Variants in USP50 observed in about 807,000 individuals in gnomAD.
The protein encoded by USP50 is ubiquitin carboxyl-terminal hydrolase 50.
In USP50, 37 loss-of-function variants were observed where a neutral mutation model predicts 39.2. That is an observed-to-expected ratio of 0.94 (90% CI 0.73 to 1.24). The LOEUF (loss-of-function observed/expected upper bound fraction) is 1.24, where lower values mean the gene tolerates loss of function less well. Among genes scored for constraint, USP50 ranks in the 50% most tolerant of loss-of-function variants. The probability of loss-of-function intolerance (pLI) is 0.00; values close to 1 mark genes in which losing one functional copy is unlikely to be tolerated. For missense variants in USP50, 374 were observed against 398.2 expected (o/e 0.94, Z 0.52); for synonymous variants, 139 against 144.5 (o/e 0.96, Z 0.27).
downstream of USP50, chr15:50,497,291 G>A: frequency 6.5e-7 from 1 of 1,541,786 alleles, no homozygotes; most frequent in Non-Finnish European, 8.7e-7. Flanking sequence ...TTTAAGTTCT[G>A]TGTAATTTAT....
chr15:50,507,950 A>G (rs2052685124), intron 6 of USP50: 1 of 151,788 alleles, frequency 6.6e-6, no homozygotes, highest in African/African-American at 2.4e-5. Context: ...GCTGCCTGTA[A>G]TCCCAGCTAC....
chr15:50,535,250 T>A (rs1199726694), intron 5 of USP50, among the ~76,000 whole-genome samples: 1 of 152,074 alleles, frequency 6.6e-6, no homozygotes, highest in Non-Finnish European at 1.5e-5. Flanking sequence ...AATGGACAGA[T>A]CCAGCAGGCA....
intron 6 of USP50, chr15:50,513,873 G>A (rs1297565735): frequency 4.6e-5 from 7 of 152,118 alleles, no homozygotes; most frequent in African/African-American, 1.7e-4. Context: ...ATGTACTAAA[G>A]CCAGACATAT....
chr15:50,531,895 C>G, intron 5 of USP50: 1 of 258,664 alleles, frequency 3.9e-6, no homozygotes, highest in Non-Finnish European at 7.8e-6. Context: ...AAAGAATTAA[C>G]CGAAAGGAAA....
chr15:50,519,811 G>T (rs954627279), intron 6 of USP50, among the ~76,000 whole-genome samples: 8 of 152,092 alleles, frequency 5.3e-5, no homozygotes, highest in Non-Finnish European at 1.0e-4. Context: ...AGAGAAAAGG[G>T]AACTCTTATA....
intron 5 of USP50, among the ~76,000 whole-genome samples, chr15:50,537,861 A>G (rs2052991572): frequency 1.3e-5 from 1 of 75,662 alleles, no homozygotes; most frequent in South Asian, 6.0e-4. Context: ...ACTGAAGAAA[A>G]GAGGGGAGGG....
chr15:50,498,534 T>A (rs2052500472), downstream of USP50: 42 of 1,491,878 alleles, frequency 2.8e-5, 1 homozygote, highest in South Asian at 5.8e-4. Context: ...TAGATGTTAA[T>A]GAATGAGGAT....
intron 5 of USP50, among the ~76,000 whole-genome samples, chr15:50,531,183 A>G (rs1261666819): frequency 6.6e-6 from 1 of 152,214 alleles, no homozygotes; most frequent in African/African-American, 2.4e-5. Context: ...AACTAAGGGA[A>G]TGCCATGTGA....
At chr15:50,494,522 C>T (rs1013320266) in intron 1 of USP50, among the ~76,000 whole-genome samples, 6 of 152,070 alleles carry the variant, frequency 3.9e-5, no homozygotes, top group African/African-American at 1.4e-4. Context: ...TAGTTATTGG[C>T]GTTTGTGACC....
At chr15:50,530,002 G>T in intron 5 of USP50, 73 bp from the exon 6 acceptor site, 1 of 1,577,714 alleles carries the variant, frequency 6.3e-7, no homozygotes, top group South Asian at 1.2e-5. Context: ...GACAAATTCC[G>T]AGTATTTTAA....
intron 5 of USP50, among the ~76,000 whole-genome samples, chr15:50,530,354 G>A (rs578186313): frequency 2.6e-5 from 4 of 151,954 alleles, no homozygotes; most frequent in African/African-American, 7.2e-5. Flanking sequence ...AGGCTGAGGC[G>A]GGTGGATCAC....
chr15:50,546,586 T>C lies in USP50; in HGVS notation c.-61A>G. The C allele has an allele frequency of 6.3e-7, 1 of 1,583,224 alleles. No individual in the cohort carries two copies. Among genetic ancestry groups the C allele is most frequent in the South Asian group, 1.1e-5 (1 of 90,360 alleles). ...AGGAGCTACATCTATTCCTTTCAACTTCATTTCTCTGAGCCTGTTAACGCT... is the reference window on the plus strand; with the variant it reads ...AGGAGCTACATCTATTCCTTTCAACCTCATTTCTCTGAGCCTGTTAACGCT... On this transcript the variant is annotated 5_prime_UTR_variant, in exon 1 of 7. Coordinates refer to ENST00000532404, the MANE Select transcript of USP50 (RefSeq NM_203494.5).
chr15:50,527,107 A>G (rs2052904390), intron 6 of USP50, among the ~76,000 whole-genome samples: 2 of 152,220 alleles, frequency 1.3e-5, no homozygotes, highest in African/African-American at 4.8e-5. Context: ...TAGTCTACAG[A>G]TGTATGCTTC....
At position 50,542,551 on chromosome 15, in the gene USP50, T is replaced by C. The variant is rs370224097; in HGVS notation, c.444+1047A>G. ...TCGTCCAGGCTGGAGTGCAGTGGCA[T>C]GATCTCGGCTCACTGCAACCTCCGC... is the stretch of plus-strand genomic sequence containing the variant. On this transcript the variant is annotated intron_variant, in intron 3 of 6. Transcript: ENST00000532404. Among the ~76,000 whole-genome samples, 5 of 143,374 alleles carry C rather than the reference T, an allele frequency of 3.5e-5. No homozygotes were observed. In the East Asian group the frequency reaches 9.0e-4, roughly 26 times the overall value. The allele number at this position is 143,374 out of a possible 152,430, so 94.1% of individuals were successfully genotyped here.
At chr15:50,510,081 A>C (rs2052717724) in intron 6 of USP50, 1 of 152,180 alleles carries the variant, frequency 6.6e-6, no homozygotes, top group South Asian at 2.1e-4. Context: ...AGCTATAATT[A>C]ATACAGTACG....
In USP50 at chr15:50,529,923, G is replaced by A. The variant is rs2052927419; in HGVS notation, c.810C>T (p.Asp270=). ...GCTTCCTTTTTGTTGTACCCTGAAT[G>A]TCAAACCTGCAGGTATAATAAATGT... ...KIIIFHLKRF[D]IQGTTKRKLR... The change falls in exon 6 of 7, where the codon GAC becomes GAT. Residue 270 remains aspartate, a synonymous_variant. Transcript: ENST00000532404. The A allele has an allele frequency of 1.2e-6, 2 of 1,613,644 alleles. No individual in the cohort carries two copies. Among genetic ancestry groups the A allele is most frequent in the Non-Finnish European group, 1.7e-6 (2 of 1,179,832 alleles).
rs773444419 is a variant in USP50, at chr15:50,500,796, G to C, written c.978C>G (p.Phe326Leu). 38 of 1,590,570 alleles carry C rather than the reference G, an allele frequency of 2.4e-5. No individual in the cohort carries two copies. In the South Asian group the frequency reaches 4.0e-4, roughly 17 times the overall value. The change falls in exon 7 of 7, where the codon TTC (phenylalanine) becomes TTG (leucine). Residue 326 changes from phenylalanine to leucine, a missense_variant. Coordinates refer to ENST00000532404, the MANE Select transcript of USP50 (RefSeq NM_203494.5). Reference protein sequence around the residue: ...GDLDGGHYTAFCKNSVTQA With the variant: ...GDLDGGHYTALCKNSVTQA ...AGGCCTGGGTGACTGAATTCTTGCA[G>C]AAAGCAGTGTAGTGGCCACCATCCA... is the stretch of plus-strand genomic sequence containing the variant.
At chr15:50,526,808 T>C (rs928838553) in intron 6 of USP50, among the ~76,000 whole-genome samples, 1 of 152,224 alleles carries the variant, frequency 6.6e-6, no homozygotes, top group Non-Finnish European at 1.5e-5. Flanking sequence ...CAGTATGATT[T>C]GGGGCAAATT....
intron 6 of USP50, among the ~76,000 whole-genome samples, chr15:50,527,544 C>T (rs866745340): frequency 3.9e-5 from 6 of 151,990 alleles, no homozygotes; most frequent in South Asian, 2.1e-4. Flanking sequence ...GCCAATGCTA[C>T]GGTTCTCCTG....
Sources: gnomAD v4.1 joint callset for allele counts (sites outside exome capture counted in the v4.1 genomes callset) on GRCh38, gnomAD v4.1.1 for gene constraint, MANE v1.5 for transcripts, NCBI Gene and HGNC (gene_info 2026-07-23, HGNC 2026-07-21) for gene names.